The following CELF2 variants were observed in gnomAD, a reference collection of about 807,000 sequenced individuals.
CELF2 encodes the protein CUG triplet repeat RNA-binding protein 2.
Under a neutral mutation model 62.6 loss-of-function variants are expected in CELF2, and 8 were observed. The ratio of observed to expected loss-of-function variants is 0.13; its 90% CI spans 0.07 to 0.23. The LOEUF is 0.23. CELF2 is among the 10% of genes least tolerant of loss of function. The probability of loss-of-function intolerance (pLI) is 1.00; values close to 1 mark genes in which losing one functional copy is unlikely to be tolerated. For synonymous variants in CELF2, 258 were observed against 250.0 expected (o/e 1.03, Z -0.30); for missense variants, 333 against 671.0 (o/e 0.50, Z 5.56).
intron 10 of CELF2, chr10:11,317,657 A>G (rs941442907): frequency 1.2e-4 from 19 of 152,208 alleles, no homozygotes; most frequent in African/African-American, 4.6e-4. Context: ...TTTCAGTGTC[A>G]TCTCCTTAGT....
intron 2 of CELF2, among the ~76,000 whole-genome samples, chr10:10,952,629 T>C (rs987434209): frequency 2.0e-5 from 3 of 151,112 alleles, no homozygotes; most frequent in African/African-American, 7.3e-5. Context: ...TCTGTGTCTA[T>C]CTACATATAT....
the CELF2 span, among the ~76,000 whole-genome samples, chr10:10,596,976 A>G: frequency 6.6e-6 from 1 of 152,146 alleles, no homozygotes; most frequent in Non-Finnish European, 1.5e-5. Context: ...GGGTCACTCA[A>G]GAGACCAACT....
chr10:11,326,106 T>A (rs2095709987), intron 12 of CELF2, 127 bp downstream of exon 12: 3 of 963,574 alleles, frequency 3.1e-6, no homozygotes, highest in African/African-American at 1.6e-5. Flanking sequence ...TCTGATTTTC[T>A]GGATCCTTGT....
At chr10:10,515,105 C>G in the CELF2 span, among the ~76,000 whole-genome samples, 1 of 152,182 alleles carries the variant, frequency 6.6e-6, no homozygotes, top group Non-Finnish European at 1.5e-5. Context: ...AAAGCTCCAC[C>G]AAGTAGGCTG....
At chr10:10,676,412 A>G in the CELF2 span, among the ~76,000 whole-genome samples, 1 of 152,190 alleles carries the variant, frequency 6.6e-6, no homozygotes. Flanking sequence ...GCTTTTCCTA[A>G]GGGTAGACTT....
chr10:10,736,122 T>C, the CELF2 span, among the ~76,000 whole-genome samples: 1 of 152,220 alleles, frequency 6.6e-6, no homozygotes, highest in Admixed American at 6.5e-5. Flanking sequence ...AATTTATTTT[T>C]CATTCTTTAC....
At position 10,963,521 on chromosome 10, in the gene CELF2, G is replaced by A. The variant is rs546463953; in HGVS notation, c.89+43522G>A. Among the ~76,000 whole-genome samples the A allele has an allele frequency of 9.2e-5, 14 of 152,268 alleles. No homozygotes were observed. In the East Asian group the frequency reaches 2.7e-3, roughly 29 times the overall value. ...AAGTGCATGTACAAACAATCCACAT[G>A]CTCAAAACTAGAGAAATGCATGTGA... On this transcript the variant is annotated intron_variant, in intron 2 of 13. Coordinates refer to the CELF2 transcript ENST00000636488.
chr10:11,055,896 C>G (rs1273273862), intron 1 of CELF2, among the ~76,000 whole-genome samples: 1 of 152,224 alleles, frequency 6.6e-6, no homozygotes, highest in Non-Finnish European at 1.5e-5. Context: ...CTACAGCACT[C>G]ACTACAAGCA....
intron 2 of CELF2, among the ~76,000 whole-genome samples, chr10:10,921,633 G>A (rs1283640885): frequency 1.3e-5 from 2 of 152,166 alleles, no homozygotes; most frequent in Non-Finnish European, 2.9e-5. Flanking sequence ...CATCAGGAGA[G>A]AGGGGAAGAG....
chr10:10,678,355 T>C, the CELF2 span, among the ~76,000 whole-genome samples: 1 of 152,100 alleles, frequency 6.6e-6, no homozygotes, highest in Non-Finnish European at 1.5e-5. Context: ...ATTTGTCAGA[T>C]AGTAAGCACT....
At chr10:10,726,154 C>G in the CELF2 span, among the ~76,000 whole-genome samples, 6 of 152,114 alleles carry the variant, frequency 3.9e-5, no homozygotes, top group African/African-American at 7.2e-5. Context: ...ACCAACACAC[C>G]TTCAGTCGGC....
chr10:11,120,242 C>A (rs998645089), intron 1 of CELF2, among the ~76,000 whole-genome samples: 1 of 152,126 alleles, frequency 6.6e-6, no homozygotes, highest in African/African-American at 2.4e-5. Context: ...ATTTACACAT[C>A]GGTGCAGAAA....
At chr10:10,679,179 A>G in the CELF2 span, among the ~76,000 whole-genome samples, 28 of 152,252 alleles carry the variant, frequency 1.8e-4, no homozygotes, top group Admixed American at 1.8e-3. Flanking sequence ...GAGATGGTGC[A>G]GTATGATATA....
chr10:10,551,201 T>C, the CELF2 span, among the ~76,000 whole-genome samples: 1 of 152,154 alleles, frequency 6.6e-6, no homozygotes, highest in Non-Finnish European at 1.5e-5. Context: ...CTCAAACCAG[T>C]GTTGTTCAAG....
chr10:10,739,412 A>T, the CELF2 span, among the ~76,000 whole-genome samples: 1 of 152,322 alleles, frequency 6.6e-6, no homozygotes, highest in East Asian at 1.9e-4. Flanking sequence ...TGCAACAGAC[A>T]TTATTGCACC....
intron 2 of CELF2, among the ~76,000 whole-genome samples, chr10:10,943,097 C>T (rs2047227328): frequency 6.6e-6 from 1 of 152,324 alleles, no homozygotes; most frequent in East Asian, 1.9e-4. Context: ...CTCTTCCTTG[C>T]CCCTCCTGTT....
chr10:10,608,799 A>G, the CELF2 span, among the ~76,000 whole-genome samples: 1 of 152,196 alleles, frequency 6.6e-6, no homozygotes, highest in Non-Finnish European at 1.5e-5. Flanking sequence ...ATTATCTGGA[A>G]TTCCTCCGTC....
At chr10:11,001,655 G>GT (rs971746662), upstream of CELF2, among the ~76,000 whole-genome samples, 1 of 152,002 alleles carries the variant, frequency 6.6e-6, no homozygotes, top group Non-Finnish European at 1.5e-5. Context: ...AACTTTTCTA[G>GT]TTTTTTTCTT....
chr10:11,249,379 T>C (rs1298424806), intron 4 of CELF2, among the ~76,000 whole-genome samples, 178 bp downstream of exon 4: 2 of 152,162 alleles, frequency 1.3e-5, no homozygotes, highest in Admixed American at 6.5e-5. Context: ...CACTCTCCTC[T>C]CTCCTGTCCT....
Sources: allele counts gnomAD v4.1 joint callset (sites outside exome capture counted in the v4.1 genomes callset), GRCh38; gene constraint gnomAD v4.1.1; transcripts MANE v1.5; gene names NCBI Gene and HGNC (gene_info 2026-07-23, HGNC 2026-07-21).